The following DNAH10 variants were observed in gnomAD, a reference collection of about 807,000 sequenced individuals.
DNAH10 encodes the protein dynein axonemal heavy chain 10, also known as axonemal beta dynein heavy chain 10.
Under a neutral mutation model 506.6 loss-of-function variants are expected in DNAH10, and 348 were observed. That is an observed-to-expected ratio of 0.69 (90% CI 0.63 to 0.75). The LOEUF is 0.75. Among genes scored for constraint, DNAH10 ranks in the 30% least tolerant of loss-of-function variants. The probability of loss-of-function intolerance (pLI) is 0.00; values close to 1 mark genes in which losing one functional copy is unlikely to be tolerated. For synonymous variants in DNAH10, 2,059 were observed against 2,198.6 expected (o/e 0.94, Z 1.78); for missense variants, 5,179 against 5,787.1 (o/e 0.89, Z 3.41).
Position 123,762,679 on chromosome 12 carries a change from T to C in DNAH10, c.214+129T>C. Reference sequence around the variant, plus strand: ...GGCCTCAGGTGCTGTCCACAAACGCTGCCGCCCGCCACGTGCAGGCCCCGG... The same window carrying C: ...GGCCTCAGGTGCTGTCCACAAACGCCGCCGCCCGCCACGTGCAGGCCCCGG... On this transcript the variant is annotated intron_variant, in intron 1 of 78. Transcript: ENST00000673944. This position sits in a 1 kb window ranked among gnomAD's most constrained non-coding sequence, Gnocchi z 5.0. 1 of 954,666 alleles carries C rather than the reference T, an allele frequency of 1.0e-6. No homozygotes were observed. Among genetic ancestry groups the C allele is most frequent in the Non-Finnish European group, 1.5e-6 (1 of 683,688 alleles). The allele number at this position is 954,666 out of a possible 1,614,324, so 59.1% of individuals were successfully genotyped here.
intron 30 of DNAH10, among the ~76,000 whole-genome samples, chr12:123,844,722 T>A (rs887468725): frequency 6.6e-6 from 1 of 152,178 alleles, no homozygotes; most frequent in Non-Finnish European, 1.5e-5. Flanking sequence ...CACTGAAGCC[T>A]TGAGTTCCTA....
At chr12:123,908,893 A>G (rs1419763832) in intron 57 of DNAH10, among the ~76,000 whole-genome samples, 1 of 152,166 alleles carries the variant, frequency 6.6e-6, no homozygotes, top group East Asian at 1.9e-4. Context: ...GATAATGACA[A>G]TAATGACGGC....
chr12:123,826,696 G>C lies in DNAH10; in HGVS notation c.4189G>C (p.Glu1397Gln). The C allele has an allele frequency of 1.9e-6, 3 of 1,613,144 alleles. No individual in the cohort carries two copies. Among genetic ancestry groups the C allele is most frequent in the Non-Finnish European group, 2.5e-6 (3 of 1,179,486 alleles). The change falls in exon 25 of 79, where the codon GAA becomes CAA. Residue 1397 changes from glutamate to glutamine, a missense_variant. This residue lies in a region of DNAH10 where 4,844 missense variants were observed against 5,430.5 expected (regional missense o/e 0.89). Transcript: ENST00000673944. ...CCTTGCACGTTTCCAGGTTGCAAAA[G>C]AAGAATGGTCTCAGACCCTTTGGAT... ...ELYEGLKVAK[E>Q]EWSQTLWINL...
At chr12:123,800,421 GC>G in intron 15 of DNAH10, 33 bp downstream of exon 15, 1 of 1,601,546 alleles carries the variant, frequency 6.2e-7, no homozygotes, top group Non-Finnish European at 8.5e-7. Flanking sequence ...TTAGCAGTAA[GC>G]TTTTTGTTCT....
rs1208161614 is a variant in DNAH10, at chr12:123,850,435, G to A, written c.6103-453G>A. ...CAGAAGGTGCAAAGCCAGGTGAGAG[G>A]AATGGAAGCCGGCGCTGTGTGAGGT... On this transcript the variant is annotated intron_variant, in intron 34 of 78. Coordinates refer to ENST00000673944, the MANE Select transcript of DNAH10 (RefSeq NM_001372106.1). This position sits in a 1 kb window ranked among gnomAD's most constrained non-coding sequence, Gnocchi z 5.5. 6.6e-6 allele frequency among the ~76,000 whole-genome samples: 1 copy of A among 152,194 alleles called. No homozygotes were observed. Among genetic ancestry groups the A allele is most frequent in the Non-Finnish European group, 1.5e-5 (1 of 68,028 alleles).
chr12:123,831,218 C>CTTTTTAGTTAATTTTTTTT (rs576604286), intron 26 of DNAH10, among the ~76,000 whole-genome samples: 8 of 151,878 alleles, frequency 5.3e-5, no homozygotes, highest in African/African-American at 1.5e-4. Context: ...TAATTATTAA[C>CTTTTTAGTTAATTTTTTTT]TTTTTAGTGT....
intron 6 of DNAH10, among the ~76,000 whole-genome samples, chr12:123,782,898 C>A (rs975965459): frequency 2.0e-5 from 3 of 152,114 alleles, no homozygotes; most frequent in African/African-American, 7.2e-5. Flanking sequence ...TCATTTTGAT[C>A]AAGCTTAACA....
Position 123,838,482 on chromosome 12 carries a change from C to A in DNAH10, c.4929C>A (p.Pro1643=), listed in dbSNP as rs58292766. The change falls in exon 29 of 79, where the codon CCC becomes CCA. Residue 1643 remains proline (P), a synonymous_variant. Transcript: ENST00000673944. ...TCATGGGTGAGACCTTAAAAGACCC[C>A]GTGATCAAGAGGTGCTGTGAAGCCC... ...KRIMGETLKD[P]VIKRCCEAPN... 8.1e-3 allele frequency: 13,101 copies of A among 1,613,786 alleles called. 471 individuals carry two copies. In the African/African-American group the frequency reaches 0.1, roughly 13 times the overall value.
chr12:123,931,507 T>C (rs61953572), intron 74 of DNAH10, 35 bp downstream of exon 74: 177,261 of 1,609,094 alleles, frequency 0.11, 11,023 homozygotes, highest in Middle Eastern at 0.18. Context: ...ATTAGTTTGA[T>C]TGGGGTTTTA....
Position 123,926,908 on chromosome 12 carries a change from G to C in DNAH10, c.12105+88G>C. The C allele has an allele frequency of 1.4e-6, 2 of 1,432,340 alleles. No homozygotes were observed. Among genetic ancestry groups the C allele is most frequent in the Non-Finnish European group, 1.9e-6 (2 of 1,060,408 alleles). The allele number at this position is 1,432,340 out of a possible 1,614,324, so 88.7% of individuals were successfully genotyped here. A position where few individuals can be genotyped will look rare whatever the true frequency, so the allele number is the denominator to read the frequency against. ...AGGAGCTAACCTGGGTTTAAGCTGAGTGCCACGCCACAAATCAGTTGGATG... is the reference window on the plus strand; with the variant it reads ...AGGAGCTAACCTGGGTTTAAGCTGACTGCCACGCCACAAATCAGTTGGATG... On this transcript the variant is annotated intron_variant, in intron 69 of 78. Transcript: ENST00000673944. This position sits in a 1 kb window ranked among gnomAD's most constrained non-coding sequence, Gnocchi z 4.1.
rs1463391348 is a variant in DNAH10 at position 123,785,142 on chromosome 12, C to A, written c.1231-604C>A. ...TGGGTCATATATGGTAACTGTTTAACCTCTTGAGGAATTTCTAGACTGTTT... is the reference window on the plus strand; with the variant it reads ...TGGGTCATATATGGTAACTGTTTAAACTCTTGAGGAATTTCTAGACTGTTT... On this transcript the variant is annotated intron_variant, in intron 8 of 78. Transcript: ENST00000673944. This position sits in a 1 kb window ranked among gnomAD's most constrained non-coding sequence, Gnocchi z 4.1. 6.6e-6 allele frequency among the ~76,000 whole-genome samples: 1 copy of A among 152,130 alleles called. No homozygotes were observed. Among genetic ancestry groups the A allele is most frequent in the Admixed American group, 6.5e-5 (1 of 15,268 alleles).
intron 10 of DNAH10, among the ~76,000 whole-genome samples, chr12:123,789,104 T>C (rs1419089473): frequency 6.6e-6 from 1 of 151,572 alleles, no homozygotes; most frequent in African/African-American, 2.4e-5. Context: ...AAAAATTAGC[T>C]GGGCGTGGTG....
Position 123,845,535 on chromosome 12 carries a change from G to C in DNAH10, c.5361-65G>C, listed in dbSNP as rs986169769. The C allele has an allele frequency of 1.8e-5, 29 of 1,575,526 alleles. No individual in the cohort carries two copies. In the Admixed American group the frequency reaches 2.9e-4, roughly 16 times the overall value. On this transcript the variant is annotated intron_variant, in intron 30 of 78. Transcript: ENST00000673944. Reference sequence around the variant, plus strand: ...CAGATCAAAGAAATAAATTCCTGAAGGGACTGTTTTGGGTACCAGTCCCCG... The same window carrying C: ...CAGATCAAAGAAATAAATTCCTGAACGGACTGTTTTGGGTACCAGTCCCCG...
chr12:123,874,864 T>C (rs1488796823), intron 46 of DNAH10, among the ~76,000 whole-genome samples: 1 of 152,172 alleles, frequency 6.6e-6, no homozygotes, highest in Admixed American at 6.5e-5. Flanking sequence ...TGTCTGTCCA[T>C]CTGTCTGTCC....
At chr12:123,811,643 G>A (rs1481019692) in intron 19 of DNAH10, among the ~76,000 whole-genome samples, 1 of 152,108 alleles carries the variant, frequency 6.6e-6, no homozygotes. Context: ...TGGGACTATA[G>A]GAGCCCACCA....
intron 13 of DNAH10, among the ~76,000 whole-genome samples, chr12:123,797,658 A>G (rs1291136094): frequency 6.6e-6 from 1 of 152,138 alleles, no homozygotes; most frequent in Non-Finnish European, 1.5e-5. Context: ...CGGCCTCCCA[A>G]AGTGTTGGGC....
chr12:123,928,492 G>T lies in DNAH10; in HGVS notation c.12211G>T (p.Glu4071Ter). 1 of 1,611,448 alleles carries T rather than the reference G, an allele frequency of 6.2e-7. No homozygotes were observed. The highest frequency in any genetic ancestry group is 8.5e-7 in the Non-Finnish European group (1 of 1,178,938). Residue 4071 changes from glutamate (E) to a stop codon, truncating the protein, a stop_gained, in exon 70 of 79, where the codon GAG becomes TAG. Coordinates refer to ENST00000673944, the MANE Select transcript of DNAH10 (RefSeq NM_001372106.1). LOFTEE classifies it high-confidence loss of function. This position sits in a 1 kb window ranked among gnomAD's most constrained non-coding sequence, Gnocchi z 4.9. The part of the protein sequence containing the change: ...KWLKDLEKSL[E>*]RITKPHPDFR... ...GCTGAAAGATCTGGAGAAGTCCCTG[G>T]AGAGGATCACCAAGCCCCACCCAGA...
chr12:123,902,734 G>A lies in DNAH10; in HGVS notation c.9641-205G>A, dbSNP rs373808085. Among the ~76,000 whole-genome samples the A allele has an allele frequency of 3.3e-5, 5 of 152,250 alleles. No individual in the cohort carries two copies. The South Asian group carries it at 1.0e-3, about 32-fold the overall frequency. ...GCCAGTTGAGGAAGGTCAGAGTCAG[G>A]GTGGCTGCCTAGTGCTGGAGGCCCC... On this transcript the variant is annotated intron_variant, in intron 56 of 78. Transcript: ENST00000673944. This position sits in a 1 kb window ranked among gnomAD's most constrained non-coding sequence, Gnocchi z 4.5.
At position 123,879,439 on chromosome 12, in the gene DNAH10, G is replaced by A. The variant is rs117792477; in HGVS notation, c.8466+82G>A. ...CCAAAAGTGTTTTTTATATTAGGAC[G>A]CGAATTGTGGAAAAATAGGCACGAA... is the stretch of plus-strand genomic sequence containing the variant. On this transcript the variant is annotated intron_variant, in intron 49 of 78. Transcript: ENST00000673944. The A allele has an allele frequency of 2.9e-5, 43 of 1,504,296 alleles. No individual in the cohort carries two copies. In the Middle Eastern group the frequency reaches 6.8e-4, roughly 24 times the overall value. 93.2% of individuals were successfully genotyped at this position (1,504,296 alleles called of 1,614,324 possible).
Sources: gnomAD v4.1 joint callset for allele counts (sites outside exome capture counted in the v4.1 genomes callset) on GRCh38, gnomAD v4.1.1 for gene constraint, gnomAD v4.1.1 regional missense constraint, Gnocchi (gnomAD v3.1) non-coding constraint, MANE v1.5 for transcripts, NCBI Gene and HGNC (gene_info 2026-07-23, HGNC 2026-07-21) for gene names.